KHDRBS2: variants seen among roughly 807,000 people sequenced by gnomAD.
KHDRBS2 encodes KH domain-containing, RNA-binding, signal transduction-associated protein 2.
A neutral mutation model predicts 44.3 loss-of-function variants in KHDRBS2; 26 were observed. The observed-to-expected ratio is 0.59, with a 90% CI of 0.43 to 0.81. The LOEUF (loss-of-function observed/expected upper bound fraction) is 0.81. Among genes scored for constraint, KHDRBS2 ranks in the 40% least tolerant of loss-of-function variants. KHDRBS2 has a pLI of 0.00. For missense variants in KHDRBS2, 476 were observed against 433.1 expected, an observed-to-expected ratio of 1.10 and a Z score of -0.88; for synonymous variants, 194 against 151.1, an observed-to-expected ratio of 1.28 and a Z score of -2.08.
At chr6:62,123,596 T>C (rs1449911330) in intron 2 of KHDRBS2, among the ~76,000 whole-genome samples, 1 of 152,236 alleles carries the variant, frequency 6.6e-6, no homozygotes, top group East Asian at 1.9e-4. Context: ...ATATCTTAGA[T>C]ATATTGAGAT....
intron 2 of KHDRBS2, among the ~76,000 whole-genome samples, chr6:62,158,978 T>C (rs1422610359): frequency 6.6e-6 from 1 of 152,136 alleles, no homozygotes; most frequent in African/African-American, 2.4e-5. Context: ...TTTAGACCAG[T>C]GATAGCAGCT....
At chr6:62,047,464 C>A (rs74936322) in intron 3 of KHDRBS2, among the ~76,000 whole-genome samples, 11,022 of 151,344 alleles carry the variant, frequency 0.073, 436 homozygotes, top group African/African-American at 0.078. Flanking sequence ...GTAAGAGGAT[C>A]AAAGTGAAAT....
chr6:61,967,567 C>A (rs1770312605), intron 4 of KHDRBS2, among the ~76,000 whole-genome samples: 1 of 151,664 alleles, frequency 6.6e-6, no homozygotes, highest in African/African-American at 2.4e-5. Context: ...TATAGCAAAC[C>A]CAGATTCAGA....
chr6:61,956,904 T>TTCATCA (rs113300633), intron 4 of KHDRBS2, among the ~76,000 whole-genome samples: 16,004 of 148,272 alleles, frequency 0.11, 1,586 homozygotes, highest in African/African-American at 0.27. Context: ...GTTATTGGTT[T>TTCATCA]TCATCATCAT....
At chr6:62,113,235 C>A (rs1435722978) in intron 2 of KHDRBS2, among the ~76,000 whole-genome samples, 2 of 152,052 alleles carry the variant, frequency 1.3e-5, no homozygotes, top group South Asian at 2.1e-4. Flanking sequence ...CAGGCTCTGG[C>A]TGAACATATG....
chr6:61,842,941 CAGAT>C (rs201720369), intron 6 of KHDRBS2, among the ~76,000 whole-genome samples: 2,230 of 151,698 alleles, frequency 0.015, 15 homozygotes, highest in Middle Eastern at 0.028. Context: ...GTATAGATTA[CAGAT>C]AGATAATCTA....
intron 2 of KHDRBS2, among the ~76,000 whole-genome samples, chr6:62,152,175 C>T (rs1187595072): frequency 2.0e-5 from 3 of 151,592 alleles, no homozygotes; most frequent in Admixed American, 1.3e-4. Flanking sequence ...CAAAATTAGC[C>T]GGGTGTGGTG....
At chr6:61,928,343 T>G (rs1334156978) in intron 4 of KHDRBS2, among the ~76,000 whole-genome samples, 1 of 152,136 alleles carries the variant, frequency 6.6e-6, no homozygotes, top group Non-Finnish European at 1.5e-5. Context: ...AAATAATTCC[T>G]TATTCCTTCT....
chr6:61,748,906 G>A (rs916750991), intron 6 of KHDRBS2, among the ~76,000 whole-genome samples: 1 of 151,716 alleles, frequency 6.6e-6, no homozygotes, highest in Non-Finnish European at 1.5e-5. Flanking sequence ...TGGTTAATGG[G>A]CACTTAAATG....
At chr6:61,826,906 C>T (rs538711042) in intron 6 of KHDRBS2, among the ~76,000 whole-genome samples, 31 of 152,226 alleles carry the variant, frequency 2.0e-4, no homozygotes, top group Middle Eastern at 6.8e-3. Flanking sequence ...CATCCTAACA[C>T]GACATAGCTA....
rs190875350 is a variant in KHDRBS2 at position 62,108,402 on chromosome 6, A to G, written c.220-60408T>C. Among the ~76,000 whole-genome samples, 377 of 152,306 alleles carry G rather than the reference A, an allele frequency of 2.5e-3. 4 individuals carry two copies. The highest frequency in any genetic ancestry group is 8.3e-3 in the African/African-American group (344 of 41,562). The stretch of plus-strand genomic sequence containing the variant: ...CAAATCAAAACCACAATGAAATACC[A>G]TCTCACACCAGTTAGAATGGCGATC... On this transcript the variant is annotated intron_variant, in intron 2 of 8. Transcript: ENST00000281156.
chr6:61,600,234 C>T, the KHDRBS2 span, among the ~76,000 whole-genome samples: 4 of 152,272 alleles, frequency 2.6e-5, no homozygotes, highest in Admixed American at 2.0e-4. Flanking sequence ...TTGTGACCTA[C>T]ATGTATACAT....
chr6:62,259,791 TA>T (rs1338757056), intron 1 of KHDRBS2, among the ~76,000 whole-genome samples: 3 of 152,012 alleles, frequency 2.0e-5, no homozygotes, highest in Admixed American at 1.3e-4. Context: ...CACTTAGCCC[TA>T]AAAATATTAT....
chr6:61,855,915 CT>C (rs1259297513), intron 6 of KHDRBS2, among the ~76,000 whole-genome samples: 1 of 151,976 alleles, frequency 6.6e-6, no homozygotes, highest in East Asian at 1.9e-4. Context: ...CCCACTCCTT[CT>C]GTTTTGGTTA....
At chr6:61,728,979 A>G (rs1774012728) in intron 7 of KHDRBS2, among the ~76,000 whole-genome samples, 1 of 152,186 alleles carries the variant, frequency 6.6e-6, no homozygotes, top group South Asian at 2.1e-4. Flanking sequence ...ATTATTGGGC[A>G]TATACCAAAA....
At chr6:61,657,667 G>GGTGACTTCAGTGCTCCCT in the KHDRBS2 span, among the ~76,000 whole-genome samples, 1 of 151,914 alleles carries the variant, frequency 6.6e-6, no homozygotes, top group Non-Finnish European at 1.5e-5. Flanking sequence ...TGGCAGGTTT[G>GGTGACTTCAGTGCTCCCT]GTGACTTCAG....
the KHDRBS2 span, among the ~76,000 whole-genome samples, chr6:61,586,582 C>T: frequency 2.6e-5 from 4 of 152,058 alleles, no homozygotes; most frequent in African/African-American, 4.8e-5. Flanking sequence ...ACATAGGACT[C>T]TATAGAGGAA....
rs139672641 is a variant in KHDRBS2 at position 62,247,603 on chromosome 6, C to T, written c.91+38255G>A. On this transcript the variant is annotated intron_variant, in intron 1 of 8. Transcript: ENST00000281156. ...CCAGCAAACTTGGATTCCAGACCTTCCTGCTCCACTTACTCACTGTGTTGT... is the reference window on the plus strand; with the variant it reads ...CCAGCAAACTTGGATTCCAGACCTTTCTGCTCCACTTACTCACTGTGTTGT... 2.5e-3 allele frequency among the ~76,000 whole-genome samples: 381 copies of T among 152,036 alleles called. 3 individuals are homozygous for T. Among genetic ancestry groups the T allele is most frequent in the African/African-American group, 8.4e-3 (350 of 41,494 alleles).
intron 2 of KHDRBS2, among the ~76,000 whole-genome samples, chr6:62,080,084 C>T (rs529790152): frequency 4.9e-4 from 75 of 151,898 alleles, no homozygotes; most frequent in Admixed American, 1.2e-3. Context: ...ATACATAAAA[C>T]GTGAAATAAG....
Sources: allele counts gnomAD v4.1 joint callset (sites outside exome capture counted in the v4.1 genomes callset), GRCh38; gene constraint gnomAD v4.1.1; transcripts MANE v1.5; gene names NCBI Gene and HGNC (gene_info 2026-07-23, HGNC 2026-07-21).